MYO5B: variants seen among roughly 807,000 people sequenced by gnomAD.
MYO5B encodes the protein unconventional myosin-Vb.
A neutral mutation model predicts 229.3 loss-of-function variants in MYO5B; 143 were observed. That is an observed-to-expected ratio of 0.62 (90% CI 0.54 to 0.72). The LOEUF is 0.72. MYO5B is among the 30% of genes least tolerant of loss of function. The pLI is 0.00. For missense variants in MYO5B, 2,321 were observed against 2,331.0 expected (o/e 1.00, Z 0.09); for synonymous variants, 918 against 885.2 (o/e 1.04, Z -0.66).
intron 2 of MYO5B, among the ~76,000 whole-genome samples, chr18:50,045,807 C>T (rs1186937850): frequency 6.6e-6 from 1 of 152,216 alleles, no homozygotes; most frequent in Non-Finnish European, 1.5e-5. Context: ...AGCCAATGTT[C>T]TATTGGTAGC....
At chr18:50,080,265 G>A (rs529485095) in intron 1 of MYO5B, among the ~76,000 whole-genome samples, 1 of 152,288 alleles carries the variant, frequency 6.6e-6, no homozygotes, top group South Asian at 2.1e-4. Context: ...ACAAGGTCGA[G>A]TTAACGACAC....
At chr18:50,043,437 T>C (rs1348618004) in intron 2 of MYO5B, among the ~76,000 whole-genome samples, 1 of 119,868 alleles carries the variant, frequency 8.3e-6, no homozygotes, top group African/African-American at 3.4e-5. Context: ...TTAAATATAT[T>C]AAATATTAAA....
intron 3 of MYO5B, among the ~76,000 whole-genome samples, chr18:50,039,850 G>C (rs1002389011): frequency 6.6e-6 from 1 of 152,060 alleles, no homozygotes; most frequent in Admixed American, 6.6e-5. Flanking sequence ...GCTCAGACAC[G>C]ATGCTGTACT....
Position 49,837,659 on chromosome 18 carries a change from T to C in MYO5B, c.4996A>G (p.Thr1666Ala). The stretch of plus-strand genomic sequence containing the variant: ...TCCAAGCCCTGGTCACACATGACTG[T>C]ATGAAAGGCATTCATCTGGCGGATG... The part of the protein sequence containing the change: ...AIIRQMNAFH[T>A]VMCDQGLDPE... The change falls in exon 37 of 40, where the codon ACA becomes GCA. Residue 1666 changes from threonine to alanine, a missense_variant. Coordinates refer to ENST00000285039, the MANE Select transcript of MYO5B (RefSeq NM_001080467.3). The C allele has an allele frequency of 6.2e-7, 1 of 1,614,056 alleles. No individual in the cohort carries two copies. The highest frequency in any genetic ancestry group is 1.1e-5 in the South Asian group (1 of 91,072).
intron 37 of MYO5B, among the ~76,000 whole-genome samples, 189 bp from the exon 38 acceptor site, chr18:49,837,074 G>A (rs1182777326): frequency 6.6e-6 from 1 of 152,282 alleles, no homozygotes; most frequent in African/African-American, 2.4e-5. Flanking sequence ...ATGAATGAGT[G>A]GGTACTTAAA....
intron 26 of MYO5B, among the ~76,000 whole-genome samples, chr18:49,873,218 C>A (rs2024476574): frequency 6.6e-6 from 1 of 152,158 alleles, no homozygotes; most frequent in South Asian, 2.1e-4. Flanking sequence ...ACTTAAATGG[C>A]CAATGAGAAG....
chr18:50,144,863 T>C (rs890962958), intron 1 of MYO5B, among the ~76,000 whole-genome samples: 6 of 152,158 alleles, frequency 3.9e-5, no homozygotes, highest in Non-Finnish European at 7.4e-5. Flanking sequence ...CTCCCCCAGA[T>C]CACTTCACAT....
chr18:50,078,433 C>A (rs1249383678), intron 1 of MYO5B, among the ~76,000 whole-genome samples: 2 of 152,118 alleles, frequency 1.3e-5, no homozygotes, highest in African/African-American at 4.8e-5. Flanking sequence ...TGCATACTGT[C>A]CACCCACTAA....
chr18:50,148,470 A>G (rs2144298600), intron 1 of MYO5B, among the ~76,000 whole-genome samples: 1 of 152,118 alleles, frequency 6.6e-6, no homozygotes, highest in Admixed American at 6.5e-5. Context: ...GCAGTACATT[A>G]AAAAGCTTAT....
chr18:49,850,267 G>T (rs2024183861), intron 31 of MYO5B: 1 of 167,010 alleles, frequency 6.0e-6, no homozygotes, highest in South Asian at 1.6e-4. Context: ...TGTGGCCAGG[G>T]ACACAAAGAG....
chr18:49,914,667 C>T (rs1283460537), intron 17 of MYO5B, among the ~76,000 whole-genome samples: 1 of 151,198 alleles, frequency 6.6e-6, no homozygotes, highest in Non-Finnish European at 1.5e-5. Context: ...GTAGTACCAG[C>T]TACTCAGGAG....
At chr18:50,032,622 T>C (rs542628182) in intron 4 of MYO5B, among the ~76,000 whole-genome samples, 1 of 152,354 alleles carries the variant, frequency 6.6e-6, no homozygotes, top group African/African-American at 2.4e-5. Context: ...GTGATGAACA[T>C]ATAAGTTGTT....
intron 16 of MYO5B, among the ~76,000 whole-genome samples, chr18:49,934,295 G>A (rs2025226205): frequency 6.6e-6 from 1 of 152,076 alleles, no homozygotes; most frequent in Non-Finnish European, 1.5e-5. Flanking sequence ...CTTGCGACTG[G>A]CCAAATCAGC....
intron 22 of MYO5B, among the ~76,000 whole-genome samples, chr18:49,881,459 A>C (rs1461946869): frequency 6.6e-6 from 1 of 152,204 alleles, no homozygotes; most frequent in African/African-American, 2.4e-5. Flanking sequence ...TAAAAGAAAA[A>C]ATACTAATTA....
chr18:50,033,457 C>T (rs1398445227), intron 4 of MYO5B, among the ~76,000 whole-genome samples: 5 of 152,218 alleles, frequency 3.3e-5, no homozygotes, highest in East Asian at 1.9e-4. Context: ...GGCCTACGTA[C>T]GTCTTTTCTC....
chr18:49,958,275 A>C (rs1442282818), intron 12 of MYO5B, among the ~76,000 whole-genome samples: 1 of 152,218 alleles, frequency 6.6e-6, no homozygotes, highest in East Asian at 1.9e-4. Flanking sequence ...TCTATGGAGG[A>C]AGTTGATCTC....
intron 22 of MYO5B, among the ~76,000 whole-genome samples, chr18:49,890,467 C>A (rs886106043): frequency 6.6e-6 from 1 of 152,206 alleles, no homozygotes; most frequent in Non-Finnish European, 1.5e-5. Context: ...AGAATCAACA[C>A]TGGAGGAAAA....
chr18:50,117,743 C>G (rs1462270883), intron 1 of MYO5B, among the ~76,000 whole-genome samples: 1 of 152,174 alleles, frequency 6.6e-6, no homozygotes, highest in Non-Finnish European at 1.5e-5. Context: ...CCAGCTTCGG[C>G]TCACAAATGG....
chr18:50,048,883 G>A (rs889864685), intron 2 of MYO5B, among the ~76,000 whole-genome samples: 1 of 152,044 alleles, frequency 6.6e-6, no homozygotes, highest in East Asian at 1.9e-4. Context: ...ATTAGCTGGC[G>A]TGGTGGCATA....
Sources: gnomAD v4.1 joint callset for allele counts (sites outside exome capture counted in the v4.1 genomes callset) on GRCh38, gnomAD v4.1.1 for gene constraint, MANE v1.5 for transcripts, NCBI Gene and HGNC (gene_info 2026-07-23, HGNC 2026-07-21) for gene names.